The following GPBAR1 variants were observed in gnomAD, a reference collection of about 807,000 sequenced individuals.
GPBAR1 encodes the protein G-protein coupled bile acid receptor 1.
GPBAR1 carries 13 observed loss-of-function variants against 13.0 expected under a neutral mutation model. The ratio of observed to expected loss-of-function variants is 1.00; its 90% CI spans 0.65 to 1.59. GPBAR1 has a LOEUF of 1.59. GPBAR1 is among the 40% of genes most tolerant of loss of function. The pLI is 0.00. For missense variants in GPBAR1, 398 were observed against 436.4 expected, an observed-to-expected ratio of 0.91 and a Z score of 0.78; for synonymous variants, 193 against 205.2, an observed-to-expected ratio of 0.94 and a Z score of 0.51.
rs764902875 is a variant in GPBAR1, at chr2:218,262,926, T to C, written c.202T>C (p.Leu68=). The change falls in exon 2 of 2, where the codon TTG becomes CTG. Residue 68 remains leucine, a synonymous_variant. Transcript: ENST00000519574. The surrounding 1 kb of genome is among the most constrained non-coding windows in gnomAD (Gnocchi z 5.1). ...LLAGLLTGLA[L]PTLPGLWNQS... ...GGCTGGGCTGCTCACGGGTCTGGCA[T>C]TGCCCACATTGCCAGGGCTGTGGAA... 5 of 1,613,742 alleles carry C rather than the reference T, an allele frequency of 3.1e-6. No homozygotes were observed. The African/African-American group carries it at 4.0e-5, about 13-fold the overall frequency.
rs1368583332 is a variant in GPBAR1, at chr2:218,262,879, G to A, written c.155G>A (p.Cys52Tyr). The change falls in exon 2 of 2, where the codon TGC becomes TAC. Residue 52 changes from cysteine to tyrosine, a missense_variant. Cys to Tyr is a radical substitution (Grantham distance 194). Transcript: ENST00000519574. The surrounding 1 kb of genome is among the most constrained non-coding windows in gnomAD (Gnocchi z 5.1). ...CGCCTGCGCAGCCCACCTGCTGGCT[G>A]CTTCTTCCTGAGCCTACTGCTGGCT... ...DRRLRSPPAG[C>Y]FFLSLLLAGL... is the part of the protein sequence containing the mutation. 1.2e-6 allele frequency: 2 copies of A among 1,613,522 alleles called. No individual in the cohort carries two copies. The highest frequency in any genetic ancestry group is 1.3e-5 in the African/African-American group (1 of 74,938).
In GPBAR1 at chr2:218,263,227, T is replaced by G; in HGVS notation, c.503T>G (p.Leu168Arg). 1.2e-6 allele frequency: 2 copies of G among 1,608,188 alleles called. No individual in the cohort carries two copies. Among genetic ancestry groups the G allele is most frequent in the Non-Finnish European group, 1.7e-6 (2 of 1,179,830 alleles). ...ATCTTCCCAGCCCCCTACCTGTACC[T>G]CGAAGTCTATGGGCTCCTGCTGCCC... The part of the protein sequence containing the change: ...QAIFPAPYLY[L>R]EVYGLLLPAV... The change falls in exon 2 of 2, where the codon CTC becomes CGC. Residue 168 changes from leucine (L) to arginine (R), a missense_variant. By Grantham distance (102) the Leu-to-Arg change is moderately radical (BLOSUM62 -2). Coordinates refer to ENST00000519574, the MANE Select transcript of GPBAR1 (RefSeq NM_170699.3). The surrounding 1 kb of genome is among the most constrained non-coding windows in gnomAD (Gnocchi z 4.2).
upstream of GPBAR1, chr2:218,260,158 A>C (rs1690376682): frequency 6.6e-6 from 1 of 152,216 alleles, no homozygotes; most frequent in Non-Finnish European, 1.5e-5. Context: ...TCCTCATCAC[A>C]CGGGACTTCA....
rs563121301 is a variant in GPBAR1, at chr2:218,263,599, G to A, written c.875G>A (p.Arg292Lys). The change falls in exon 2 of 2, where the codon AGG (arginine) becomes AAG (lysine). Residue 292 changes from arginine to lysine, a missense_variant. Transcript: ENST00000519574. This position sits in a 1 kb window ranked among gnomAD's most constrained non-coding sequence, Gnocchi z 4.2. ...GATCAGCGCTACACAGCCCCCTGGA[G>A]GGCAGCCGCCCAAAGGTGCCTGCAG... is the stretch of plus-strand genomic sequence containing the variant. ...LGDQRYTAPW[R>K]AAAQRCLQGL... is the part of the protein sequence containing the mutation. The A allele has an allele frequency of 1.2e-6, 2 of 1,612,800 alleles. No homozygotes were observed. The highest frequency in any genetic ancestry group is 1.7e-5 in the Admixed American group (1 of 60,022).
In GPBAR1 at chr2:218,262,676, G is replaced by T; in HGVS notation, c.-45-4G>T. On this transcript the variant is annotated splice_region_variant and splice_polypyrimidine_tract_variant and intron_variant, in intron 1 of 1. Transcript: ENST00000519574. This position sits in a 1 kb window ranked among gnomAD's most constrained non-coding sequence, Gnocchi z 5.1. ...ATCCTAACTCTGGCCACCCCATCCTGCAGGCATGCCGGCTGCCGCTCCAGG... is the reference window on the plus strand; with the variant it reads ...ATCCTAACTCTGGCCACCCCATCCTTCAGGCATGCCGGCTGCCGCTCCAGG... The T allele has an allele frequency of 6.7e-7, 1 of 1,492,650 alleles. No individual in the cohort carries two copies. Among genetic ancestry groups the T allele is most frequent in the Admixed American group, 2.2e-5 (1 of 46,286 alleles). The allele number at this position is 1,492,650 out of a possible 1,614,324, so 92.5% of individuals were successfully genotyped here. A position where few individuals can be genotyped will look rare whatever the true frequency, so the allele number is the denominator to read the frequency against.
chr2:218,263,641 C>G lies in GPBAR1; in HGVS notation c.917C>G (p.Ala306Gly), dbSNP rs771474789. 2 of 1,612,858 alleles carry G rather than the reference C, an allele frequency of 1.2e-6. No individual in the cohort carries two copies. The highest frequency in any genetic ancestry group is 1.7e-5 in the Admixed American group (1 of 60,030). ...TGCCTGCAGGGGCTGTGGGGAAGAG[C>G]CTCCCGGGACAGTCCCGGCCCCAGC... ...QRCLQGLWGR[A>G]SRDSPGPSIA... The change falls in exon 2 of 2, where the codon GCC becomes GGC. Residue 306 changes from alanine to glycine, a missense_variant. Coordinates refer to ENST00000519574, the MANE Select transcript of GPBAR1 (RefSeq NM_170699.3). The surrounding 1 kb of genome is among the most constrained non-coding windows in gnomAD (Gnocchi z 4.2).
At chr2:218,260,238 C>CT, upstream of GPBAR1, 1 of 152,206 alleles carries the variant, frequency 6.6e-6, no homozygotes, top group Non-Finnish European at 1.5e-5. Flanking sequence ...GGCAAGGGAA[C>CT]TTTAGTCATT....
rs1463195150 is a variant in GPBAR1 at position 218,263,379 on chromosome 2, A to C, written c.655A>C (p.Thr219Pro). 18 of 1,598,034 alleles carry C rather than the reference A, an allele frequency of 1.1e-5. No individual in the cohort carries two copies. Among genetic ancestry groups the C allele is most frequent in the Non-Finnish European group, 1.5e-5 (18 of 1,174,022 alleles). The change falls in exon 2 of 2, where the codon ACC (threonine) becomes CCC (proline). Residue 219 changes from threonine (T) to proline (P), a missense_variant. Physicochemically the swap from Thr to Pro is conservative, Grantham distance 38 (BLOSUM62 -1). Transcript: ENST00000519574. The surrounding 1 kb of genome is among the most constrained non-coding windows in gnomAD (Gnocchi z 4.2). ...GCCCTCCGCCCTGGCCCGGGCCCTT[A>C]CCTGGAGGCAGGCAAGGGCACAGGC... ...DEPSALARAL[T>P]WRQARAQAGA...
upstream of GPBAR1, among the ~76,000 whole-genome samples, chr2:218,260,468 T>A (rs1574603048): frequency 6.6e-6 from 1 of 152,238 alleles, no homozygotes; most frequent in Non-Finnish European, 1.5e-5. Context: ...CTTGTTCCCA[T>A]TTTAACACAG....
At position 218,262,965 on chromosome 2, in the gene GPBAR1, G is replaced by T; in HGVS notation, c.241G>T (p.Gly81Cys). The T allele has an allele frequency of 6.2e-7, 1 of 1,613,924 alleles. No individual in the cohort carries two copies. The highest frequency in any genetic ancestry group is 8.5e-7 in the Non-Finnish European group (1 of 1,179,876). ...AGGGCTGTGGAACCAGAGTCGCCGGGGTTACTGGTCCTGCCTCCTCGTCTA... is the reference window on the plus strand; with the variant it reads ...AGGGCTGTGGAACCAGAGTCGCCGGTGTTACTGGTCCTGCCTCCTCGTCTA... ...LPGLWNQSRR[G>C]YWSCLLVYLA... Residue 81 changes from glycine (G) to cysteine (C), a missense_variant, in exon 2 of 2, where the codon GGT (glycine) becomes TGT (cysteine). Gly to Cys is a radical substitution (Grantham distance 159). Coordinates refer to ENST00000519574, the MANE Select transcript of GPBAR1 (RefSeq NM_170699.3). The surrounding 1 kb of genome is among the most constrained non-coding windows in gnomAD (Gnocchi z 5.1).
In GPBAR1 at chr2:218,263,083, C is replaced by A; in HGVS notation, c.359C>A (p.Pro120His). 6.2e-7 allele frequency: 1 copy of A among 1,613,382 alleles called. No individual in the cohort carries two copies. The highest frequency in any genetic ancestry group is 8.5e-7 in the Non-Finnish European group (1 of 1,179,860). ...ATGGCAGTCCTGAGGCCACTCCAGC[C>A]CCCTGGGAGCATTCGGCTGGCCCTG... ...RYMAVLRPLQ[P>H]PGSIRLALLL... Residue 120 changes from proline (P) to histidine (H), a missense_variant, in exon 2 of 2, where the codon CCC (proline) becomes CAC (histidine). Pro to His is a moderately conservative substitution (Grantham distance 77, BLOSUM62 -2). Transcript: ENST00000519574. The surrounding 1 kb of genome is among the most constrained non-coding windows in gnomAD (Gnocchi z 4.2).
chr2:218,262,758 C>A lies in GPBAR1; in HGVS notation c.34C>A (p.Pro12Thr). Residue 12 changes from proline (P) to threonine (T), a missense_variant, in exon 2 of 2, where the codon CCC becomes ACC. By Grantham distance (38) the Pro-to-Thr change is conservative (BLOSUM62 -1). Transcript: ENST00000519574. The surrounding 1 kb of genome is among the most constrained non-coding windows in gnomAD (Gnocchi z 5.1). ...TPNSTGEVPS[P>T]IPKGALGLSL... ...CAACAGCACTGGCGAGGTGCCCAGC[C>A]CCATTCCCAAGGGGGCTTTGGGGCT... 1.2e-6 allele frequency: 2 copies of A among 1,608,052 alleles called. No individual in the cohort carries two copies. The highest frequency in any genetic ancestry group is 4.5e-5 in the East Asian group (2 of 44,666).
Position 218,262,643 on chromosome 2 carries a change from G to T in GPBAR1, c.-45-37G>T. ...CTGCCCTGCCAGGAGGACACGACCTGCAGCCCCATCCTAACTCTGGCCACC... is the reference window on the plus strand; with the variant it reads ...CTGCCCTGCCAGGAGGACACGACCTTCAGCCCCATCCTAACTCTGGCCACC... On this transcript the variant is annotated intron_variant, in intron 1 of 1. Transcript: ENST00000519574. The surrounding 1 kb of genome is among the most constrained non-coding windows in gnomAD (Gnocchi z 5.1). 1 of 1,405,908 alleles carries T rather than the reference G, an allele frequency of 7.1e-7. No individual in the cohort carries two copies. Among genetic ancestry groups the T allele is most frequent in the East Asian group, 2.5e-5 (1 of 40,192 alleles). 87.1% of individuals were successfully genotyped at this position (1,405,908 alleles called of 1,614,324 possible).
Position 218,262,966 on chromosome 2 carries a change from G to A in GPBAR1, c.242G>A (p.Gly81Asp), listed in dbSNP as rs958597089. The change falls in exon 2 of 2, where the codon GGT (glycine) becomes GAT (aspartate). Residue 81 changes from glycine to aspartate, a missense_variant. Transcript: ENST00000519574. The surrounding 1 kb of genome is among the most constrained non-coding windows in gnomAD (Gnocchi z 5.1). ...LPGLWNQSRRGYWSCLLVYLA... is the reference protein window; with the variant it reads ...LPGLWNQSRRDYWSCLLVYLA... ...GGGCTGTGGAACCAGAGTCGCCGGGGTTACTGGTCCTGCCTCCTCGTCTAC... is the reference window on the plus strand; with the variant it reads ...GGGCTGTGGAACCAGAGTCGCCGGGATTACTGGTCCTGCCTCCTCGTCTAC... 1.9e-6 allele frequency: 3 copies of A among 1,613,940 alleles called. No homozygotes were observed. Among genetic ancestry groups the A allele is most frequent in the Non-Finnish European group, 2.5e-6 (3 of 1,179,868 alleles).
In GPBAR1 at chr2:218,263,572, G is replaced by A. The variant is rs771639228; in HGVS notation, c.848G>A (p.Gly283Asp). The change falls in exon 2 of 2, where the codon GGC becomes GAC. Residue 283 changes from glycine (G) to aspartate (D), a missense_variant. Coordinates refer to ENST00000519574, the MANE Select transcript of GPBAR1 (RefSeq NM_170699.3). This position sits in a 1 kb window ranked among gnomAD's most constrained non-coding sequence, Gnocchi z 4.2. Reference sequence around the variant, plus strand: ...GCAGTGCCCGTAGCCATGGGGCTGGGCGATCAGCGCTACACAGCCCCCTGG... The same window carrying A: ...GCAGTGCCCGTAGCCATGGGGCTGGACGATCAGCGCTACACAGCCCCCTGG... Reference protein sequence around the residue: ...AAAVPVAMGLGDQRYTAPWRA... With the variant: ...AAAVPVAMGLDDQRYTAPWRA... 8 of 1,612,490 alleles carry A rather than the reference G, an allele frequency of 5.0e-6. No homozygotes were observed. In the African/African-American group the frequency reaches 1.1e-4, roughly 22 times the overall value.
Position 218,262,916 on chromosome 2 carries a change from G to A in GPBAR1, c.192G>A (p.Thr64=), listed in dbSNP as rs199688937. 2.5e-5 allele frequency: 41 copies of A among 1,613,644 alleles called. No homozygotes were observed. Among genetic ancestry groups the A allele is most frequent in the East Asian group, 8.9e-5 (4 of 44,884 alleles). Residue 64 remains threonine (T), a synonymous_variant, in exon 2 of 2, where the codon ACG becomes ACA. Coordinates refer to ENST00000519574, the MANE Select transcript of GPBAR1 (RefSeq NM_170699.3). This position sits in a 1 kb window ranked among gnomAD's most constrained non-coding sequence, Gnocchi z 5.1. ...GCCTACTGCTGGCTGGGCTGCTCAC[G>A]GGTCTGGCATTGCCCACATTGCCAG... The part of the protein sequence containing the change: ...FLSLLLAGLL[T]GLALPTLPGL...
At position 218,263,612 on chromosome 2, in the gene GPBAR1, A is replaced by G; in HGVS notation, c.888A>G (p.Gln296=). Residue 296 remains glutamine, a synonymous_variant, in exon 2 of 2, where the codon CAA becomes CAG. Transcript: ENST00000519574. The surrounding 1 kb of genome is among the most constrained non-coding windows in gnomAD (Gnocchi z 4.2). ...CAGCCCCCTGGAGGGCAGCCGCCCA[A>G]AGGTGCCTGCAGGGGCTGTGGGGAA... The part of the protein sequence containing the change: ...RYTAPWRAAA[Q]RCLQGLWGRA... 2 of 1,612,830 alleles carry G rather than the reference A, an allele frequency of 1.2e-6. No individual in the cohort carries two copies. Among genetic ancestry groups the G allele is most frequent in the Non-Finnish European group, 1.7e-6 (2 of 1,179,850 alleles).
In GPBAR1 at chr2:218,263,412, A is replaced by T. The variant is rs534624465; in HGVS notation, c.688A>T (p.Met230Leu). 1 of 1,602,464 alleles carries T rather than the reference A, an allele frequency of 6.2e-7. No homozygotes were observed. The highest frequency in any genetic ancestry group is 1.1e-5 in the South Asian group (1 of 89,550). ...WRQARAQAGAMLLFGLCWGPY... is the reference protein window; with the variant it reads ...WRQARAQAGALLLFGLCWGPY... ...GCAGGCAAGGGCACAGGCTGGAGCC[A>T]TGCTGCTCTTCGGGCTGTGCTGGGG... Residue 230 changes from methionine (M) to leucine (L), a missense_variant, in exon 2 of 2, where the codon ATG (methionine) becomes TTG (leucine). Physicochemically the swap from Met to Leu is conservative, Grantham distance 15. Transcript: ENST00000519574. This position sits in a 1 kb window ranked among gnomAD's most constrained non-coding sequence, Gnocchi z 4.2.
In GPBAR1 at chr2:218,262,346, A is replaced by G. The variant is rs1690446550; in HGVS notation, c.-45-334A>G. 3 of 202,532 alleles carry G rather than the reference A, an allele frequency of 1.5e-5. No individual in the cohort carries two copies. The South Asian group carries it at 3.2e-4, about 22-fold the overall frequency. 12.5% of individuals were successfully genotyped at this position (202,532 alleles called of 1,614,324 possible). On this transcript the variant is annotated intron_variant, in intron 1 of 1. Transcript: ENST00000519574. The surrounding 1 kb of genome is among the most constrained non-coding windows in gnomAD (Gnocchi z 5.1). ...GCTGGATGGGCCCGCCTTTCAGTCT[A>G]AACAAGAGACCTCAACACAGCTGCC... is the stretch of plus-strand genomic sequence containing the variant.
Sources: gnomAD v4.1 joint callset for allele counts (sites outside exome capture counted in the v4.1 genomes callset) on GRCh38, gnomAD v4.1.1 for gene constraint, Gnocchi (gnomAD v3.1) non-coding constraint, MANE v1.5 for transcripts, NCBI Gene and HGNC (gene_info 2026-07-23, HGNC 2026-07-21) for gene names.